The following XKR9 variants were observed in gnomAD, a reference collection of about 807,000 sequenced individuals.
XKR9 encodes the protein XK related 9, also known as XK-related protein 9.
XKR9 carries 32 observed loss-of-function variants against 32.0 expected under a neutral mutation model. That is an observed-to-expected ratio of 1.00 (90% CI 0.76 to 1.34). XKR9 has a LOEUF of 1.34. Ranked by LOEUF, XKR9 falls within the 40% of genes most tolerant of loss-of-function variation. The pLI, the probability that XKR9 is intolerant of heterozygous loss-of-function variation, is 0.00. For missense variants in XKR9, 546 were observed against 429.7 expected, an observed-to-expected ratio of 1.27 and a Z score of -2.39; for synonymous variants, 168 against 143.4, an observed-to-expected ratio of 1.17 and a Z score of -1.22.
At chr8:70,893,150 T>C in the XKR9 span, among the ~76,000 whole-genome samples, 1 of 152,198 alleles carries the variant, frequency 6.6e-6, no homozygotes, top group Non-Finnish European at 1.5e-5. Flanking sequence ...TTGTACTTCA[T>C]TCATCAAATT....
At chr8:70,954,511 A>G in the XKR9 span, among the ~76,000 whole-genome samples, 1 of 152,264 alleles carries the variant, frequency 6.6e-6, no homozygotes, top group African/African-American at 2.4e-5. Flanking sequence ...GGATTTGCAC[A>G]GAATTTGGTA....
intron 2 of XKR9, among the ~76,000 whole-genome samples, chr8:70,744,496 C>T (rs1018300135): frequency 1.3e-5 from 2 of 152,214 alleles, no homozygotes; most frequent in Non-Finnish European, 2.9e-5. Flanking sequence ...AAAGTCCACA[C>T]AGATCCAATC....
chr8:70,859,303 C>A, the XKR9 span, among the ~76,000 whole-genome samples: 1 of 152,114 alleles, frequency 6.6e-6, no homozygotes, highest in Non-Finnish European at 1.5e-5. Context: ...CATGTGATAT[C>A]ATCTCACTCC....
At chr8:70,922,911 G>A in the XKR9 span, among the ~76,000 whole-genome samples, 1 of 152,234 alleles carries the variant, frequency 6.6e-6, no homozygotes, top group Non-Finnish European at 1.5e-5. Flanking sequence ...TGTGCAGTCA[G>A]CTATGACAGT....
At chr8:70,963,812 GTTGT>G in the XKR9 span, among the ~76,000 whole-genome samples, 1 of 152,124 alleles carries the variant, frequency 6.6e-6, no homozygotes, top group African/African-American at 2.4e-5. Flanking sequence ...TTTTAATGGG[GTTGT>G]TTGTTTTTAT....
rs1235816804 is a variant in XKR9 at position 70,735,112 on chromosome 8, G to GT, written c.*689dup. On this transcript the variant is annotated 3_prime_UTR_variant, in exon 5 of 5. Coordinates refer to ENST00000408926, the MANE Select transcript of XKR9 (RefSeq NM_001011720.2). ...TTATTTTTATTTTTAAAAAATTATG[G>GT]TAAAAACATATAAAATTTACCATCT... 2.0e-5 allele frequency: 3 copies of GT among 151,742 alleles called. No homozygotes were observed. The allele number at this position is 151,742 out of a possible 1,614,324, so 9.4% of individuals were successfully genotyped here.
At chr8:71,040,615 A>G in the XKR9 span, among the ~76,000 whole-genome samples, 1 of 152,238 alleles carries the variant, frequency 6.6e-6, no homozygotes, top group Non-Finnish European at 1.5e-5. Context: ...TGTCAAAATT[A>G]CTTTCTCCGT....
At chr8:70,844,700 C>G in the XKR9 span, among the ~76,000 whole-genome samples, 4 of 152,234 alleles carry the variant, frequency 2.6e-5, no homozygotes, top group Non-Finnish European at 4.4e-5. Flanking sequence ...GTGTACTTCT[C>G]CCAGTGGACT....
At chr8:70,758,445 A>G (rs1563470843) in intron 2 of XKR9, among the ~76,000 whole-genome samples, 2 of 152,136 alleles carry the variant, frequency 1.3e-5, no homozygotes, top group South Asian at 2.1e-4. Context: ...AATGTATAAT[A>G]TTTGTTTTTA....
the XKR9 span, among the ~76,000 whole-genome samples, chr8:70,911,268 A>C: frequency 2.0e-5 from 3 of 152,210 alleles, no homozygotes; most frequent in African/African-American, 4.8e-5. Context: ...TATTACTTAT[A>C]TCCTAATACA....
the XKR9 span, among the ~76,000 whole-genome samples, chr8:71,020,282 C>T: frequency 6.6e-6 from 1 of 152,154 alleles, no homozygotes; most frequent in Non-Finnish European, 1.5e-5. Flanking sequence ...AGTTCAATTC[C>T]CATATGGCCT....
At chr8:70,803,208 A>G in the XKR9 span, among the ~76,000 whole-genome samples, 1 of 152,152 alleles carries the variant, frequency 6.6e-6, no homozygotes, top group Non-Finnish European at 1.5e-5. Context: ...AAACTTGGAC[A>G]TTCTTTCCTC....
chr8:71,052,974 G>A, the XKR9 span, among the ~76,000 whole-genome samples: 6 of 152,174 alleles, frequency 3.9e-5, no homozygotes, highest in African/African-American at 1.4e-4. Flanking sequence ...ATCACAATTA[G>A]TCCAATGGTA....
chr8:71,056,575 G>T, the XKR9 span, among the ~76,000 whole-genome samples: 1 of 152,284 alleles, frequency 6.6e-6, no homozygotes, highest in East Asian at 1.9e-4. Context: ...GAGGCATATA[G>T]AAGTTAAGCA....
At chr8:70,857,116 C>A in the XKR9 span, among the ~76,000 whole-genome samples, 1 of 152,144 alleles carries the variant, frequency 6.6e-6, no homozygotes, top group Non-Finnish European at 1.5e-5. Context: ...CAAGAAATAA[C>A]TAAGAGCAGG....
the XKR9 span, among the ~76,000 whole-genome samples, chr8:70,891,795 A>G: frequency 6.6e-6 from 1 of 152,040 alleles, no homozygotes; most frequent in Non-Finnish European, 1.5e-5. Context: ...GTGCAGTTTA[A>G]ATCCAATGTT....
At chr8:70,810,808 C>T in the XKR9 span, among the ~76,000 whole-genome samples, 2 of 152,172 alleles carry the variant, frequency 1.3e-5, no homozygotes, top group Non-Finnish European at 2.9e-5. Context: ...TAGAGACCTA[C>T]AAAGAGACTT....
intron 2 of XKR9, among the ~76,000 whole-genome samples, chr8:70,764,813 C>G (rs1807353450): frequency 2.6e-5 from 4 of 152,116 alleles, no homozygotes; most frequent in Admixed American, 2.6e-4. Flanking sequence ...TGTTGTTCAA[C>G]TCCCACTTAT....
At chr8:70,726,595 C>A (rs112644650) in intron 4 of XKR9, among the ~76,000 whole-genome samples, 4,833 of 152,260 alleles carry the variant, frequency 0.032, 122 homozygotes, top group Non-Finnish European at 0.043. Context: ...GGAGATGAAA[C>A]ATGGCTTTAC....
Sources: allele counts gnomAD v4.1 joint callset (sites outside exome capture counted in the v4.1 genomes callset), GRCh38; gene constraint gnomAD v4.1.1; transcripts MANE v1.5; gene names NCBI Gene and HGNC (gene_info 2026-07-23, HGNC 2026-07-21).